Variants in SPTA1 observed in about 807,000 individuals in gnomAD.
SPTA1 encodes spectrin alpha chain, erythrocytic 1.
SPTA1 carries 177 observed loss-of-function variants against 324.7 expected under a neutral mutation model. That is an observed-to-expected ratio of 0.55 (90% CI 0.48 to 0.62). The LOEUF (loss-of-function observed/expected upper bound fraction) is 0.62, where lower values mean the gene tolerates loss of function less well. SPTA1 is among the 20% of genes least tolerant of loss of function. The pLI is 0.00. For missense variants in SPTA1, 3,162 were observed against 2,883.6 expected (o/e 1.10, Z -2.21); for synonymous variants, 1,195 against 1,041.3 (o/e 1.15, Z -2.84).
intron 7 of SPTA1, among the ~76,000 whole-genome samples, chr1:158,677,161 T>C (rs887321058): frequency 6.6e-6 from 1 of 152,168 alleles, no homozygotes; most frequent in Non-Finnish European, 1.5e-5. Context: ...TTTAAGAAAA[T>C]AGGCTTGTTC....
intron 51 of SPTA1, 80 bp from the exon 52 acceptor site, chr1:158,611,469 T>C: frequency 6.4e-7 from 1 of 1,550,748 alleles, no homozygotes; most frequent in Non-Finnish European, 8.9e-7. Flanking sequence ...TATTACGCCA[T>C]AAATGCAGGA....
rs1376984376 is a variant in SPTA1, at chr1:158,627,672, T to G, written c.5617A>C (p.Thr1873Pro). 6.2e-7 allele frequency: 1 copy of G among 1,613,488 alleles called. No homozygotes were observed. Among genetic ancestry groups the G allele is most frequent in the African/African-American group, 1.3e-5 (1 of 75,054 alleles). ...TGTGCACACACATTTTGTACTCGGG[T>G]CTCATGGACAGCAAAGTCATTTTCC... is the stretch of plus-strand genomic sequence containing the variant. ...ALENDFAVHE[T>P]RVQNVCAQGE... is the part of the protein sequence containing the mutation. The change falls in exon 40 of 52, where the codon ACC (threonine) becomes CCC (proline). Residue 1873 changes from threonine to proline, a missense_variant. Transcript: ENST00000643759.
At chr1:158,648,443 G>A (rs1229217677) in intron 26 of SPTA1, 66 bp downstream of exon 26, 1 of 1,595,428 alleles carries the variant, frequency 6.3e-7, no homozygotes, top group East Asian at 2.2e-5. Context: ...CCAAAGAAGA[G>A]GGCATTGGTA....
At position 158,613,860 on chromosome 1, in the gene SPTA1, C is replaced by T. The variant is rs138732899; in HGVS notation, c.6850G>A (p.Asp2284Asn). 9.1e-4 allele frequency: 1,469 copies of T among 1,613,624 alleles called. 9 individuals are homozygous for T. In the African/African-American group the frequency reaches 0.015, roughly 17 times the overall value. ...KEFSTIYKHF[D>N]ENLTGRLTHK... ...GTCAGGCGCCCTGTCAAATTCTCAT[C>T]AAAGTGTCTAAAGGATAAAAAAAGA... Residue 2284 changes from aspartate to asparagine, a missense_variant, in exon 50 of 52, where the codon GAT becomes AAT. Coordinates refer to ENST00000643759, the MANE Select transcript of SPTA1 (RefSeq NM_003126.4).
intron 16 of SPTA1, among the ~76,000 whole-genome samples, chr1:158,663,399 T>C (rs1653381617): frequency 6.6e-6 from 1 of 152,100 alleles, no homozygotes; most frequent in Admixed American, 6.6e-5. Context: ...ACAATACCTA[T>C]GAGATGAAAC....
chr1:158,677,946 C>T, intron 6 of SPTA1, 112 bp from the exon 7 acceptor site: 5 of 1,345,954 alleles, frequency 3.7e-6, no homozygotes, highest in Non-Finnish European at 5.3e-6. Flanking sequence ...AGCAATTATC[C>T]TTTCTTCCTA....
At chr1:158,626,354 T>C (rs148645656) in intron 41 of SPTA1, 132 bp from the exon 42 acceptor site, 2 of 852,230 alleles carry the variant, frequency 2.3e-6, no homozygotes, top group African/African-American at 1.7e-5. Context: ...AATTGGAATA[T>C]GTGAGCAGTG....
intron 40 of SPTA1, 82 bp from the exon 41 acceptor site, chr1:158,627,089 A>G (rs1287410375): frequency 9.0e-6 from 14 of 1,549,482 alleles, no homozygotes; most frequent in Admixed American, 1.7e-5. Flanking sequence ...GAAAGCACTC[A>G]TCTCTCCCAT....
At position 158,639,894 on chromosome 1, in the gene SPTA1, C is replaced by T. The variant is rs1449835330; in HGVS notation, c.4851G>A (p.Arg1617=). 3 of 1,613,768 alleles carry T rather than the reference C, an allele frequency of 1.9e-6. No individual in the cohort carries two copies. Among genetic ancestry groups the T allele is most frequent in the African/African-American group, 2.7e-5 (2 of 74,860 alleles). ...CCTCTGAGAGCCAGAACTCAAAGTCCCGGATGCTTGTGTTGAACCTCTGTT... is the reference window on the plus strand; with the variant it reads ...CCTCTGAGAGCCAGAACTCAAAGTCTCGGATGCTTGTGTTGAACCTCTGTT... The part of the protein sequence containing the change: ...SRQQRFNTSI[R]DFEFWLSEAE... The change falls in exon 34 of 52, where the codon CGG becomes CGA. Residue 1617 remains arginine, a synonymous_variant. Coordinates refer to ENST00000643759, the MANE Select transcript of SPTA1 (RefSeq NM_003126.4).
chr1:158,614,202 T>A, intron 49 of SPTA1, 51 bp downstream of exon 49: 1 of 1,350,008 alleles, frequency 7.4e-7, no homozygotes. Flanking sequence ...GTAGACTCAT[T>A]CTGAATAATC....
chr1:158,614,155 T>C, intron 49 of SPTA1, 98 bp downstream of exon 49: 1 of 1,039,416 alleles, frequency 9.6e-7, no homozygotes, highest in South Asian at 1.4e-5. Flanking sequence ...TCATTTAAGA[T>C]TCCACCAAGC....
chr1:158,642,708 A>G, intron 32 of SPTA1, 106 bp downstream of exon 32: 1 of 1,590,304 alleles, frequency 6.3e-7, no homozygotes, highest in Non-Finnish European at 8.6e-7. Context: ...GAGAGCAGGC[A>G]TGGTAGCCTC....
At chr1:158,659,327 A>G (rs1653037901) in intron 18 of SPTA1, among the ~76,000 whole-genome samples, 1 of 152,060 alleles carries the variant, frequency 6.6e-6, no homozygotes, top group Non-Finnish European at 1.5e-5. Flanking sequence ...AATTCCTGGA[A>G]TAGTGGCTTT....
In SPTA1 at chr1:158,612,813, G is replaced by A. The variant is rs779684730; in HGVS notation, c.7134+4C>T. 5 of 1,613,540 alleles carry A rather than the reference G, an allele frequency of 3.1e-6. No homozygotes were observed. In the East Asian group the frequency reaches 6.7e-5, roughly 22 times the overall value. ...TGTAGTAGGGGAAGCAACCAGAATC[G>A]GACCTGCTTCATGTCTTCTTTGGTA... is the stretch of plus-strand genomic sequence containing the variant. On this transcript the variant is annotated splice_donor_region_variant and intron_variant, in intron 51 of 51. Coordinates refer to ENST00000643759, the MANE Select transcript of SPTA1 (RefSeq NM_003126.4).
rs1364416054 is a variant in SPTA1, at chr1:158,661,307, C to T, written c.2567G>A (p.Gly856Glu). Residue 856 changes from glycine to glutamate, a missense_variant, in exon 18 of 52, where the codon GGA becomes GAA. Transcript: ENST00000643759. ...EPRIQEITER[G>E]NKMVEEGHFA... ...CATACCTTCCTCTACCATTTTGTTT[C>T]CCCTTTCTGTTATCTCTTGAATGCG... 2 of 1,613,906 alleles carry T rather than the reference C, an allele frequency of 1.2e-6. No homozygotes were observed. The highest frequency in any genetic ancestry group is 2.2e-5 in the South Asian group (2 of 91,074).
At position 158,656,577 on chromosome 1, in the gene SPTA1, G is replaced by A; in HGVS notation, c.2885C>T (p.Ala962Val). ...AGTTAGTCTTACCTGGCAGGCGTTT[G>A]CCTGATTCCGCAGAGCTTTCATACT... ...GDSMKALRNQANACQQQQAAP... is the reference protein window; with the variant it reads ...GDSMKALRNQVNACQQQQAAP... The change falls in exon 20 of 52, where the codon GCA becomes GTA. Residue 962 changes from alanine (A) to valine (V), a missense_variant. Physicochemically the swap from Ala to Val is moderately conservative, Grantham distance 64. Coordinates refer to ENST00000643759, the MANE Select transcript of SPTA1 (RefSeq NM_003126.4). 1 of 1,613,818 alleles carries A rather than the reference G, an allele frequency of 6.2e-7. No homozygotes were observed.
intron 39 of SPTA1, among the ~76,000 whole-genome samples, chr1:158,631,342 A>C (rs1650662167): frequency 6.6e-6 from 1 of 152,176 alleles, no homozygotes; most frequent in African/African-American, 2.4e-5. Context: ...ACTCTAAGTG[A>C]AGTAACTCAG....
chr1:158,645,124 A>ACGGAG (rs1305222255), intron 29 of SPTA1, 64 bp downstream of exon 29: 34 of 1,560,410 alleles, frequency 2.2e-5, no homozygotes, highest in Non-Finnish European at 3.0e-5. Flanking sequence ...TGTAATGACC[A>ACGGAG]TATGAAATTG....
chr1:158,614,619 C>T lies in SPTA1; in HGVS notation c.6789-313G>A, dbSNP rs143562532. The T allele has an allele frequency of 1.7e-3, 478 of 284,062 alleles. 5 individuals are homozygous for T. The highest frequency in any genetic ancestry group is 6.9e-3 in the Middle Eastern group (6 of 874). The allele number at this position is 284,062 out of a possible 1,614,324, so 17.6% of individuals were successfully genotyped here. A position where few individuals can be genotyped will look rare whatever the true frequency, so the allele number is the denominator to read the frequency against. On this transcript the variant is annotated intron_variant, in intron 48 of 51. Coordinates refer to ENST00000643759, the MANE Select transcript of SPTA1 (RefSeq NM_003126.4). ...ATAAAGCTTTATTGGAACATGGCCA[C>T]GGTCATTCACTTATCATAGCTGCTT... is the stretch of plus-strand genomic sequence containing the variant.
Sources: gnomAD v4.1 joint callset for allele counts (sites outside exome capture counted in the v4.1 genomes callset) on GRCh38, gnomAD v4.1.1 for gene constraint, MANE v1.5 for transcripts, NCBI Gene and HGNC (gene_info 2026-07-23, HGNC 2026-07-21) for gene names.